The following CHSY3 variants were observed in gnomAD, a reference collection of about 807,000 sequenced individuals.
CHSY3 encodes the protein N-acetylgalactosaminyl-proteoglycan 3-beta-glucuronosyltransferase 3.
Under a neutral mutation model 67.2 loss-of-function variants are expected in CHSY3, and 35 were observed. The ratio of observed to expected loss-of-function variants is 0.52; its 90% CI spans 0.40 to 0.69. The LOEUF is 0.69. CHSY3 is among the 30% of genes least tolerant of loss of function. The probability of loss-of-function intolerance (pLI) is 0.00; values close to 1 mark genes in which losing one functional copy is unlikely to be tolerated. For missense variants in CHSY3, 1,069 were observed against 1,138.5 expected, an observed-to-expected ratio of 0.94 and a Z score of 0.88; for synonymous variants, 474 against 434.7, an observed-to-expected ratio of 1.09 and a Z score of -1.12.
At chr5:130,050,682 A>G (rs1765315447) in intron 2 of CHSY3, among the ~76,000 whole-genome samples, 1 of 152,128 alleles carries the variant, frequency 6.6e-6, no homozygotes, top group Non-Finnish European at 1.5e-5. Flanking sequence ...AGTTCTAGAT[A>G]AGAACCTGTC....
chr5:130,114,148 T>C lies in CHSY3; in HGVS notation c.1087-70081T>C, dbSNP rs190169225. ...ATAGTTTATCCAAATGCAGTGATTA[T>C]TGAGCCTTGTTTTTGTCATTTTAAT... On this transcript the variant is annotated intron_variant, in intron 2 of 2. Coordinates refer to ENST00000305031, the MANE Select transcript of CHSY3 (RefSeq NM_175856.5). Among the ~76,000 whole-genome samples, 32 of 152,306 alleles carry C rather than the reference T, an allele frequency of 2.1e-4. 1 individual carries two copies. The East Asian group carries it at 3.9e-3, about 18-fold the overall frequency.
intron 2 of CHSY3, among the ~76,000 whole-genome samples, chr5:129,914,885 G>A (rs368433035): frequency 1.3e-4 from 20 of 152,220 alleles, no homozygotes; most frequent in South Asian, 4.1e-4. Context: ...CAGGCAATTC[G>A]AAATAAGCTC....
chr5:129,924,261 A>G (rs1341021324), intron 2 of CHSY3, among the ~76,000 whole-genome samples: 1 of 152,076 alleles, frequency 6.6e-6, no homozygotes, highest in Admixed American at 6.6e-5. Flanking sequence ...CAAACATTAG[A>G]CAACTTGATA....
At chr5:130,177,233 GTA>G (rs1361280204) in intron 2 of CHSY3, among the ~76,000 whole-genome samples, 205 of 150,792 alleles carry the variant, frequency 1.4e-3, no homozygotes, top group African/African-American at 3.7e-3. Flanking sequence ...GTGTGTGTGT[GTA>G]TATATATATA....
chr5:130,051,149 C>T (rs1333696433), intron 2 of CHSY3, among the ~76,000 whole-genome samples: 1 of 152,028 alleles, frequency 6.6e-6, no homozygotes, highest in East Asian at 1.9e-4. Flanking sequence ...ATGGTCACCT[C>T]TGTGGAAGGG....
At chr5:130,133,457 G>A (rs1768547374) in intron 2 of CHSY3, among the ~76,000 whole-genome samples, 1 of 152,010 alleles carries the variant, frequency 6.6e-6, no homozygotes, top group South Asian at 2.1e-4. Flanking sequence ...GTTTTCAAAA[G>A]AGGTTAAGCA....
intron 2 of CHSY3, among the ~76,000 whole-genome samples, chr5:130,030,558 T>C (rs1381141527): frequency 6.6e-6 from 1 of 152,208 alleles, no homozygotes; most frequent in African/African-American, 2.4e-5. Flanking sequence ...TATTCTTTAG[T>C]CATTATTATT....
At chr5:130,002,003 GCT>G in intron 2 of CHSY3, 1 of 877,688 alleles carries the variant, frequency 1.1e-6, no homozygotes, top group Non-Finnish European at 1.4e-6. Context: ...GTAACTTAGA[GCT>G]ACTCTCTAAG....
At chr5:130,063,614 C>T (rs902657447) in intron 2 of CHSY3, among the ~76,000 whole-genome samples, 4 of 152,046 alleles carry the variant, frequency 2.6e-5, no homozygotes, top group South Asian at 2.1e-4. Flanking sequence ...AGTTCTGTTA[C>T]GTCTTAGTGC....
chr5:130,020,449 ATATATATATATATT>A (rs1314317982), intron 2 of CHSY3, among the ~76,000 whole-genome samples: 47 of 13,360 alleles, frequency 3.5e-3, no homozygotes, highest in African/African-American at 7.4e-3. Context: ...ATATATATAT[ATATATATATATATT>A]TTTTTTTTTT....
intron 2 of CHSY3, among the ~76,000 whole-genome samples, chr5:130,146,328 G>A (rs1769073097): frequency 6.6e-6 from 1 of 152,236 alleles, no homozygotes; most frequent in South Asian, 2.1e-4. Context: ...AGGATATTGT[G>A]TTAAGTGAAA....
chr5:130,133,389 C>T (rs1768544989), intron 2 of CHSY3, among the ~76,000 whole-genome samples: 1 of 152,068 alleles, frequency 6.6e-6, no homozygotes. Context: ...ATACTTTTAG[C>T]TTTCATAATC....
At chr5:130,027,381 G>T (rs1201528644) in intron 2 of CHSY3, among the ~76,000 whole-genome samples, 1 of 152,034 alleles carries the variant, frequency 6.6e-6, no homozygotes, top group Non-Finnish European at 1.5e-5. Context: ...ACCTGTAAAA[G>T]AAATATGATA....
rs527268788 is a variant in CHSY3 at position 130,002,875 on chromosome 5, TA to T, written c.1086+94516del. ...GGTGGGTAGCTTATTTTAAATCACATAGCCACACTTCTAACCCAACTGTAAT... is the reference window on the plus strand; with the variant it reads ...GGTGGGTAGCTTATTTTAAATCACATGCCACACTTCTAACCCAACTGTAAT... On this transcript the variant is annotated intron_variant, in intron 2 of 2. Coordinates refer to ENST00000305031, the MANE Select transcript of CHSY3 (RefSeq NM_175856.5). 1.9e-4 allele frequency among the ~76,000 whole-genome samples: 29 copies of T among 152,330 alleles called. No homozygotes were observed. The South Asian group carries it at 6.0e-3, about 32-fold the overall frequency.
chr5:129,970,153 G>A (rs1762597440), intron 2 of CHSY3, among the ~76,000 whole-genome samples: 4 of 149,724 alleles, frequency 2.7e-5, no homozygotes, highest in African/African-American at 9.8e-5. Flanking sequence ...CCTTTTGTTT[G>A]CTTCTTTCGT....
At chr5:129,952,226 G>T (rs1762045478) in intron 2 of CHSY3, among the ~76,000 whole-genome samples, 2 of 152,194 alleles carry the variant, frequency 1.3e-5, no homozygotes, top group African/African-American at 4.8e-5. Context: ...AATAAGCAGA[G>T]CCCTTGTCCT....
At chr5:129,919,351 A>G (rs1049089329) in intron 2 of CHSY3, among the ~76,000 whole-genome samples, 69 of 152,168 alleles carry the variant, frequency 4.5e-4, no homozygotes, top group Non-Finnish European at 8.1e-4. Context: ...TAATATCTAT[A>G]AGATGTTGTC....
chr5:130,071,673 A>T (rs561941157), intron 2 of CHSY3, among the ~76,000 whole-genome samples: 2 of 151,964 alleles, frequency 1.3e-5, no homozygotes, highest in Non-Finnish European at 2.9e-5. Context: ...TGAAATGAAC[A>T]TGGAAGTTCA....
chr5:129,993,708 A>G (rs1407020465), intron 2 of CHSY3, among the ~76,000 whole-genome samples: 2 of 152,140 alleles, frequency 1.3e-5, no homozygotes, highest in African/African-American at 4.8e-5. Flanking sequence ...TAGCCCATTT[A>G]CATTTAAAGT....
Sources: allele counts gnomAD v4.1 joint callset (sites outside exome capture counted in the v4.1 genomes callset), GRCh38; gene constraint gnomAD v4.1.1; transcripts MANE v1.5; gene names NCBI Gene and HGNC (gene_info 2026-07-23, HGNC 2026-07-21).